Variants in MROH2A observed in about 807,000 individuals in gnomAD.
MROH2A encodes maestro heat-like repeat-containing protein family member 2A.
In MROH2A, 174 loss-of-function variants were observed where a neutral mutation model predicts 200.4. The ratio of observed to expected loss-of-function variants is 0.87; its 90% CI spans 0.77 to 0.98. The LOEUF is 0.98. Among genes scored for constraint, MROH2A ranks in the 50% least tolerant of loss-of-function variants. The pLI, the probability that MROH2A is intolerant of heterozygous loss-of-function variation, is 0.00. For synonymous variants in MROH2A, 829 were observed against 840.4 expected, an observed-to-expected ratio of 0.99 and a Z score of 0.23; for missense variants, 2,045 against 2,139.6, an observed-to-expected ratio of 0.96 and a Z score of 0.87.
At chr2:233,812,292 G>A (rs538355603) in intron 24 of MROH2A, among the ~76,000 whole-genome samples, 1 of 152,216 alleles carries the variant, frequency 6.6e-6, no homozygotes, top group Non-Finnish European at 1.5e-5. Context: ...TTCAAGATGA[G>A]TCAGGCTCAG....
chr2:233,833,074 G>C (rs1704892236), intron 41 of MROH2A, 64 bp from the exon 42 acceptor site: 1 of 1,471,198 alleles, frequency 6.8e-7, no homozygotes, highest in Non-Finnish European at 9.0e-7. Context: ...CACTGCCCAG[G>C]GCATGCAGCA....
chr2:233,794,259 C>T (rs10169532), intron 7 of MROH2A, 104 bp from the exon 8 acceptor site: 322,127 of 827,624 alleles, frequency 0.39, 64,729 homozygotes, highest in East Asian at 0.45. Flanking sequence ...GCTTCTGAGG[C>T]GCCTTCTGTC....
At chr2:233,795,092 C>T (rs1702019796) in intron 8 of MROH2A, among the ~76,000 whole-genome samples, 1 of 152,208 alleles carries the variant, frequency 6.6e-6, no homozygotes, top group Admixed American at 6.5e-5. Context: ...GAACTAATTC[C>T]ATCACAAAGA....
chr2:233,799,922 C>A (rs1355829019), intron 13 of MROH2A, 23 bp downstream of exon 13: 20 of 1,550,284 alleles, frequency 1.3e-5, no homozygotes, highest in Non-Finnish European at 1.6e-5. Context: ...GATACGCAGA[C>A]CGCAGAGCAG....
chr2:233,794,504 C>T lies in MROH2A; in HGVS notation c.964C>T (p.Gln322Ter). Residue 322 changes from glutamine to a stop codon, truncating the protein, a stop_gained and splice_region_variant, in exon 8 of 42, where the codon CAG (glutamine) becomes TAG (stop). Transcript: ENST00000389758. LOFTEE classifies it high-confidence loss of function. ...CAGTCTGGAGGTGCTCTTCGTCACG[C>T]AGGCGAGTGGCCAGGCAGCCACGGC... ...QGSLEVLFVT[Q>*]VLRQILELSV... 2.7e-6 allele frequency: 4 copies of T among 1,502,858 alleles called. No individual in the cohort carries two copies. Among genetic ancestry groups the T allele is most frequent in the Non-Finnish European group, 3.6e-6 (4 of 1,103,640 alleles). The allele number at this position is 1,502,858 out of a possible 1,614,324, so 93.1% of individuals were successfully genotyped here.
At chr2:233,793,944 C>T in intron 7 of MROH2A, 120 bp downstream of exon 7, 2 of 1,031,410 alleles carry the variant, frequency 1.9e-6, no homozygotes, top group Non-Finnish European at 2.6e-6. Flanking sequence ...CCCTAGAGGG[C>T]AGTGACCTGA....
intron 28 of MROH2A, 59 bp from the exon 29 acceptor site, chr2:233,818,593 G>T (rs76329185): frequency 9.2e-7 from 1 of 1,082,396 alleles, no homozygotes; most frequent in South Asian, 1.3e-5. Context: ...TAGCCACGAA[G>T]GGGGGGTGGC....
intron 6 of MROH2A, 79 bp from the exon 7 acceptor site, chr2:233,793,594 C>T (rs937217404): frequency 2.8e-5 from 36 of 1,292,980 alleles, no homozygotes; most frequent in East Asian, 1.6e-4. Flanking sequence ...CACTTCCACT[C>T]GGGAAGCTGG....
chr2:233,792,786 A>G lies in MROH2A; in HGVS notation c.572-10A>G, dbSNP rs913900128. 2.0e-6 allele frequency: 3 copies of G among 1,510,170 alleles called. 1 individual carries two copies. The African/African-American group carries it at 4.2e-5, about 21-fold the overall frequency. The allele number at this position is 1,510,170 out of a possible 1,614,324, so 93.5% of individuals were successfully genotyped here. ...CCAACTTCCTGTAATCATCCCTCAC[A>G]ACCTCACAGTGTTTGAGTTCATGCC... On this transcript the variant is annotated splice_polypyrimidine_tract_variant and intron_variant, in intron 5 of 41. Transcript: ENST00000389758.
rs145715624 is a variant in MROH2A, at chr2:233,783,166, C to A, written c.276+3314C>A. Among the ~76,000 whole-genome samples the A allele has an allele frequency of 3.2e-3, 489 of 152,142 alleles. 4 individuals are homozygous for A. The highest frequency in any genetic ancestry group is 0.011 in the African/African-American group (459 of 41,528). ...CATCTATGTTCATCACAGATATTGG[C>A]CTGTAGTTTTCTTTTTTTGTTGTGT... is the stretch of plus-strand genomic sequence containing the variant. On this transcript the variant is annotated intron_variant, in intron 3 of 41. Transcript: ENST00000389758.
At position 233,820,163 on chromosome 2, in the gene MROH2A, C is replaced by A; in HGVS notation, c.3512+107C>A. 1.9e-6 allele frequency: 2 copies of A among 1,056,520 alleles called. No homozygotes were observed. The highest frequency in any genetic ancestry group is 1.6e-5 in the African/African-American group (1 of 61,156). The allele number at this position is 1,056,520 out of a possible 1,614,324, so 65.4% of individuals were successfully genotyped here. On this transcript the variant is annotated intron_variant, in intron 31 of 41. Coordinates refer to ENST00000389758, the MANE Select transcript of MROH2A (RefSeq NM_001394639.1). This position sits in a 1 kb window ranked among gnomAD's most constrained non-coding sequence, Gnocchi z 4.1. The stretch of plus-strand genomic sequence containing the variant: ...CCTGGAGCCTTGGGCAGTACCCTGC[C>A]CCACCCTGAAGGAGGTCGAAGCCCT...
intron 29 of MROH2A, 53 bp downstream of exon 29, chr2:233,818,823 C>A: frequency 8.1e-7 from 1 of 1,240,546 alleles, no homozygotes; most frequent in South Asian, 1.4e-5. Context: ...GGGCCCTTGG[C>A]CGTCTCTCAG....
chr2:233,788,938 CAAAAAAAAAAAAAAA>C (rs56084976), intron 3 of MROH2A, among the ~76,000 whole-genome samples: 30 of 47,466 alleles, frequency 6.3e-4, no homozygotes, highest in South Asian at 1.2e-3. Context: ...GACTCCGTCT[CAAAAAAAAAAAAAAA>C]AAAAAAAAAA....
intron 34 of MROH2A, 83 bp downstream of exon 34, chr2:233,823,101 G>T: frequency 6.9e-7 from 1 of 1,447,944 alleles, no homozygotes; most frequent in East Asian, 2.5e-5. Context: ...GTGAGGACAT[G>T]GTCCAGTCAT....
intron 33 of MROH2A, 143 bp downstream of exon 33, chr2:233,822,699 A>C (rs1704027963): frequency 8.9e-7 from 1 of 1,129,816 alleles, no homozygotes. Flanking sequence ...TGCCGTTCTC[A>C]TGTGTGTCAA....
chr2:233,824,740 A>ATTGC lies in MROH2A; in HGVS notation c.4113+1084_4113+1087dup, dbSNP rs147451153. Among the ~76,000 whole-genome samples, 949 of 152,326 alleles carry ATTGC rather than the reference A, an allele frequency of 6.2e-3. 6 individuals carry two copies. Among genetic ancestry groups the ATTGC allele is most frequent in the Non-Finnish European group, 9.4e-3 (638 of 68,030 alleles). The stretch of plus-strand genomic sequence containing the variant: ...GCTAAATGAGATAGACCGTGTATGC[A>ATTGC]TTGCTTGCTTGGGAGGTAAGTGCTC... On this transcript the variant is annotated intron_variant, in intron 35 of 41. Coordinates refer to ENST00000389758, the MANE Select transcript of MROH2A (RefSeq NM_001394639.1).
Position 233,828,478 on chromosome 2 carries a change from C to G in MROH2A, c.4114-152C>G, listed in dbSNP as rs1006172630. ...CCCTGAGGCAGGTACTAGCATCACC[C>G]GCTTTTTATAGAGAGGAAACGGAGG... On this transcript the variant is annotated intron_variant, in intron 35 of 41. Coordinates refer to ENST00000389758, the MANE Select transcript of MROH2A (RefSeq NM_001394639.1). The surrounding 1 kb of genome is among the most constrained non-coding windows in gnomAD (Gnocchi z 4.6). 1.1e-6 allele frequency: 1 copy of G among 919,952 alleles called. No homozygotes were observed. The highest frequency in any genetic ancestry group is 1.6e-6 in the Non-Finnish European group (1 of 617,796). 57.0% of individuals were successfully genotyped at this position (919,952 alleles called of 1,614,324 possible).
chr2:233,796,129 G>A (rs1479367399), intron 10 of MROH2A, 71 bp from the exon 11 acceptor site: 3 of 1,515,280 alleles, frequency 2.0e-6, no homozygotes, highest in South Asian at 1.2e-5. Flanking sequence ...TGAGCGCTGG[G>A]CCTGGGACTG....
At chr2:233,790,737 C>T (rs1701709070) in intron 5 of MROH2A, among the ~76,000 whole-genome samples, 1 of 150,692 alleles carries the variant, frequency 6.6e-6, no homozygotes, top group Non-Finnish European at 1.5e-5. Flanking sequence ...ATCCCAGAAG[C>T]ATGCGCTGAG....
Sources: allele counts gnomAD v4.1 joint callset (sites outside exome capture counted in the v4.1 genomes callset), GRCh38; gene constraint gnomAD v4.1.1; non-coding constraint Gnocchi (gnomAD v3.1); transcripts MANE v1.5; gene names NCBI Gene and HGNC (gene_info 2026-07-23, HGNC 2026-07-21).